The following CHRM3 variants were observed in gnomAD, a reference collection of about 807,000 sequenced individuals.
CHRM3 encodes cholinergic receptor muscarinic 3, also known as muscarinic acetylcholine receptor M3.
In CHRM3, 11 loss-of-function variants were observed where a neutral mutation model predicts 41.8. The ratio of observed to expected loss-of-function variants is 0.26; its 90% CI spans 0.17 to 0.44. The LOEUF (loss-of-function observed/expected upper bound fraction) is 0.44, where lower values mean the gene tolerates loss of function less well. Ranked by LOEUF, CHRM3 falls within the 20% of genes least tolerant of loss-of-function variation. CHRM3 has a pLI of 1.00. For synonymous variants in CHRM3, 297 were observed against 301.4 expected (o/e 0.99, Z 0.15); for missense variants, 571 against 745.4 (o/e 0.77, Z 2.72).
intron 3 of CHRM3, among the ~76,000 whole-genome samples, chr1:239,589,012 C>T (rs982314289): frequency 2.6e-5 from 4 of 151,978 alleles, no homozygotes; most frequent in African/African-American, 4.8e-5. Flanking sequence ...TGGCTCACTG[C>T]GACTTCTGCT....
chr1:239,887,965 CAAA>C (rs2102921063), intron 6 of CHRM3, among the ~76,000 whole-genome samples: 2 of 152,248 alleles, frequency 1.3e-5, no homozygotes, highest in East Asian at 3.9e-4. Context: ...TATTGAAATA[CAAA>C]TCTTATAAAA....
intron 2 of CHRM3, among the ~76,000 whole-genome samples, chr1:239,497,353 G>A (rs947620810): frequency 9.2e-5 from 14 of 152,136 alleles, no homozygotes; most frequent in South Asian, 4.1e-4. Context: ...AGAGGGTGAC[G>A]GGGCAGCACA....
rs767571519 is a variant in CHRM3 at position 239,908,374 on chromosome 1, A to G, written c.923A>G (p.Tyr308Cys). The G allele has an allele frequency of 2.5e-6, 4 of 1,614,080 alleles. No homozygotes were observed. Among genetic ancestry groups the G allele is most frequent in the Middle Eastern group, 1.6e-4 (1 of 6,062 alleles). Residue 308 changes from tyrosine (Y) to cysteine (C), a missense_variant, in exon 7 of 7, where the codon TAT (tyrosine) becomes TGT (cysteine). By Grantham distance (194) the Tyr-to-Cys change is radical. Transcript: ENST00000676153. This position sits in a 1 kb window ranked among gnomAD's most constrained non-coding sequence, Gnocchi z 7.2. ...QSMKRSNRRK[Y>C]GRCHFWFTTK... ...ATGAAACGCTCCAACAGGAGGAAGT[A>G]TGGCCGCTGCCACTTCTGGTTCACA...
intron 5 of CHRM3, among the ~76,000 whole-genome samples, chr1:239,715,048 G>A (rs1270434115): frequency 6.6e-6 from 1 of 152,108 alleles, no homozygotes; most frequent in Non-Finnish European, 1.5e-5. Flanking sequence ...ATGTCCTGAA[G>A]CCAGAGAAAG....
intron 6 of CHRM3, among the ~76,000 whole-genome samples, chr1:239,841,183 T>C (rs565812589): frequency 6.6e-6 from 1 of 152,336 alleles, no homozygotes; most frequent in East Asian, 1.9e-4. Flanking sequence ...TCAAATTTGA[T>C]GGAGGCTTTG....
rs564415445 is a variant in CHRM3, at chr1:239,763,236, G to A, written c.-146-64016G>A. Among the ~76,000 whole-genome samples the A allele has an allele frequency of 2.0e-5, 3 of 152,164 alleles. No individual in the cohort carries two copies. The East Asian group carries it at 5.8e-4, about 29-fold the overall frequency. On this transcript the variant is annotated intron_variant, in intron 5 of 6. Coordinates refer to ENST00000676153, the MANE Select transcript of CHRM3 (RefSeq NM_001375978.1). Reference sequence around the variant, plus strand: ...AATTGAAACAAAAGCCTTGGTATTGGGAGTTCATAAATGAAAAACATGGCA... The same window carrying A: ...AATTGAAACAAAAGCCTTGGTATTGAGAGTTCATAAATGAAAAACATGGCA...
chr1:239,667,399 C>T (rs1427016992), intron 4 of CHRM3, among the ~76,000 whole-genome samples: 1 of 152,194 alleles, frequency 6.6e-6, no homozygotes, highest in Admixed American at 6.5e-5. Flanking sequence ...CATCCAAGTC[C>T]ACTGTCATGT....
At chr1:239,857,929 A>G (rs1435494974) in intron 6 of CHRM3, among the ~76,000 whole-genome samples, 2 of 152,186 alleles carry the variant, frequency 1.3e-5, no homozygotes, top group African/African-American at 4.8e-5. Flanking sequence ...AGTTGCCCCG[A>G]ACATTATCTT....
intron 3 of CHRM3, among the ~76,000 whole-genome samples, chr1:239,548,174 T>C (rs192443362): frequency 6.6e-6 from 1 of 152,296 alleles, no homozygotes; most frequent in Non-Finnish European, 1.5e-5. Flanking sequence ...TCAGTGGTTT[T>C]AGTGGGTGAC....
chr1:239,452,903 C>T (rs1664659631), intron 1 of CHRM3, among the ~76,000 whole-genome samples: 1 of 152,228 alleles, frequency 6.6e-6, no homozygotes, highest in African/African-American at 2.4e-5. Context: ...CGGGTTCACG[C>T]CATTCTCCTG....
chr1:239,602,110 G>GTGTGTGTGTATATATATATATATA (rs1307023039), intron 3 of CHRM3, among the ~76,000 whole-genome samples: 1 of 112,862 alleles, frequency 8.9e-6, no homozygotes, highest in African/African-American at 3.4e-5. Flanking sequence ...GTGTGTGTGT[G>GTGTGTGTGTATATATATATATATA]TATATATATA....
intron 2 of CHRM3, among the ~76,000 whole-genome samples, chr1:239,523,603 T>C (rs1317500733): frequency 6.6e-6 from 1 of 152,196 alleles, no homozygotes; most frequent in Non-Finnish European, 1.5e-5. Flanking sequence ...TGACCCTCTC[T>C]TGTTGTCATA....
chr1:239,814,870 G>C (rs1671444578), intron 5 of CHRM3, among the ~76,000 whole-genome samples: 1 of 152,130 alleles, frequency 6.6e-6, no homozygotes, highest in Non-Finnish European at 1.5e-5. Context: ...GCAACCTCTT[G>C]CCTCCCTTCA....
At chr1:239,551,670 T>C (rs996180286) in intron 3 of CHRM3, among the ~76,000 whole-genome samples, 4 of 152,164 alleles carry the variant, frequency 2.6e-5, no homozygotes, top group African/African-American at 9.7e-5. Context: ...TGAAAGATCA[T>C]TAAGTCCACT....
At chr1:239,637,517 CTTTTTT>C (rs149963225) in intron 4 of CHRM3, among the ~76,000 whole-genome samples, 2 of 48,534 alleles carry the variant, frequency 4.1e-5, no homozygotes, top group Non-Finnish European at 7.0e-5. Context: ...TCATCAAAGT[CTTTTTT>C]TTTTTTTTTT....
chr1:239,755,199 T>C (rs761107423), intron 5 of CHRM3, among the ~76,000 whole-genome samples: 31 of 152,188 alleles, frequency 2.0e-4, no homozygotes, highest in South Asian at 4.1e-4. Context: ...TTTAAAAGGA[T>C]TCTGTCCAAA....
chr1:239,519,738 GTTC>G (rs1572577469), intron 2 of CHRM3, among the ~76,000 whole-genome samples: 1 of 98,978 alleles, frequency 1.0e-5, no homozygotes, highest in Admixed American at 1.0e-4. Flanking sequence ...TTAAAAACTA[GTTC>G]TTTTTTTTTT....
chr1:239,533,010 C>T (rs1355112641), intron 2 of CHRM3, among the ~76,000 whole-genome samples: 5 of 152,112 alleles, frequency 3.3e-5, no homozygotes, highest in Admixed American at 3.3e-4. Flanking sequence ...TAGCGCTCTT[C>T]TGGAAATAAT....
intron 5 of CHRM3, among the ~76,000 whole-genome samples, chr1:239,823,738 A>T (rs1672233078): frequency 6.6e-6 from 1 of 152,078 alleles, no homozygotes; most frequent in Admixed American, 6.5e-5. Context: ...AGGCCAAAAA[A>T]GCGAACAACT....
Sources: allele counts gnomAD v4.1 joint callset (sites outside exome capture counted in the v4.1 genomes callset), GRCh38; gene constraint gnomAD v4.1.1; non-coding constraint Gnocchi (gnomAD v3.1); transcripts MANE v1.5; gene names NCBI Gene and HGNC (gene_info 2026-07-23, HGNC 2026-07-21).